Variants in SDK1 observed in about 807,000 individuals in gnomAD.
The protein encoded by SDK1 is protein sidekick-1.
A neutral mutation model predicts 245.5 loss-of-function variants in SDK1; 157 were observed. The ratio of observed to expected loss-of-function variants is 0.64; its 90% CI spans 0.56 to 0.73. SDK1 has a LOEUF of 0.73. SDK1 is among the 30% of genes least tolerant of loss of function. The pLI is 0.00. For missense variants in SDK1, 3,583 were observed against 3,002.3 expected (o/e 1.19, Z -4.52); for synonymous variants, 1,647 against 1,278.5 (o/e 1.29, Z -6.15).
At chr7:3,574,261 C>T (rs1188887665) in intron 1 of SDK1, among the ~76,000 whole-genome samples, 4 of 151,880 alleles carry the variant, frequency 2.6e-5, no homozygotes, top group Non-Finnish European at 4.4e-5. Context: ...GGATTGCAGG[C>T]GCCTGCCACC....
chr7:3,415,246 A>G (rs958707279), intron 1 of SDK1, among the ~76,000 whole-genome samples: 1 of 152,186 alleles, frequency 6.6e-6, no homozygotes, highest in Non-Finnish European at 1.5e-5. Flanking sequence ...AAAATATTTA[A>G]AATGAGGTTC....
intron 44 of SDK1, among the ~76,000 whole-genome samples, chr7:4,260,585 T>A (rs1190351897): frequency 1.4e-5 from 2 of 138,308 alleles, no homozygotes; most frequent in Non-Finnish European, 3.1e-5. Flanking sequence ...CTCCGGGGCC[T>A]CTGTGTGTGT....
chr7:3,837,546 G>C (rs577359850), intron 5 of SDK1, among the ~76,000 whole-genome samples: 1 of 152,172 alleles, frequency 6.6e-6, no homozygotes, highest in Non-Finnish European at 1.5e-5. Context: ...TTGCCTCTTC[G>C]TTCTTGAGGT....
At chr7:3,911,977 A>G (rs1779183042) in intron 5 of SDK1, among the ~76,000 whole-genome samples, 1 of 152,084 alleles carries the variant, frequency 6.6e-6, no homozygotes, top group South Asian at 2.1e-4. Context: ...GGGGGAGGGC[A>G]TTCTAGGGAA....
rs193247520 is a variant in SDK1, at chr7:3,514,240, A to G, written c.299-104840A>G. On this transcript the variant is annotated intron_variant, in intron 1 of 44. Transcript: ENST00000404826. The stretch of plus-strand genomic sequence containing the variant: ...TGTGTATAGGAGATTTACAATGGAC[A>G]TTTCTGCATTTTAGAAGTAGACTAT... Among the ~76,000 whole-genome samples, 178 of 152,244 alleles carry G rather than the reference A, an allele frequency of 1.2e-3. 2 individuals carry two copies. The highest frequency in any genetic ancestry group is 4.1e-3 in the African/African-American group (170 of 41,548).
chr7:3,867,395 A>T (rs965795794), intron 5 of SDK1, among the ~76,000 whole-genome samples: 2 of 152,208 alleles, frequency 1.3e-5, no homozygotes, highest in Non-Finnish European at 2.9e-5. Context: ...AACCTAATGT[A>T]TTAGTCCATT....
chr7:4,070,325 C>G (rs999071857), intron 20 of SDK1, among the ~76,000 whole-genome samples: 2 of 152,162 alleles, frequency 1.3e-5, no homozygotes, highest in East Asian at 3.9e-4. Flanking sequence ...TACTTGTTTC[C>G]TTATCACAAC....
At chr7:3,756,609 C>G (rs1295645574) in intron 4 of SDK1, among the ~76,000 whole-genome samples, 1 of 151,802 alleles carries the variant, frequency 6.6e-6, no homozygotes, top group African/African-American at 2.4e-5. Flanking sequence ...ACAATTTGCT[C>G]CTAATGCCCT....
At chr7:4,235,265 A>C (rs1408447698) in intron 41 of SDK1, among the ~76,000 whole-genome samples, 1 of 152,168 alleles carries the variant, frequency 6.6e-6, no homozygotes, top group Non-Finnish European at 1.5e-5. Flanking sequence ...CCCGGGTTCA[A>C]GGGATTCTCC....
intron 1 of SDK1, among the ~76,000 whole-genome samples, chr7:3,485,850 T>C (rs536572454): frequency 2.0e-5 from 3 of 152,038 alleles, no homozygotes; most frequent in Non-Finnish European, 4.4e-5. Context: ...CTAAAACATC[T>C]TAGGTTTTTA....
chr7:3,594,410 G>C (rs1780985517), intron 1 of SDK1, among the ~76,000 whole-genome samples: 1 of 152,166 alleles, frequency 6.6e-6, no homozygotes, highest in African/African-American at 2.4e-5. Context: ...GCTGCTATGA[G>C]CATTGATAAT....
intron 4 of SDK1, among the ~76,000 whole-genome samples, chr7:3,650,632 A>C (rs1424991813): frequency 6.6e-6 from 1 of 152,228 alleles, no homozygotes; most frequent in Non-Finnish European, 1.5e-5. Flanking sequence ...ACTTTGATAC[A>C]TCAACAAACA....
chr7:3,547,221 CTT>C (rs1779252038), intron 1 of SDK1, among the ~76,000 whole-genome samples: 1 of 152,038 alleles, frequency 6.6e-6, no homozygotes, highest in Non-Finnish European at 1.5e-5. Flanking sequence ...ACTTTAAGTG[CTT>C]TGATAGCCAC....
intron 38 of SDK1, among the ~76,000 whole-genome samples, chr7:4,218,666 T>C (rs904603219): frequency 3.3e-5 from 5 of 152,072 alleles, no homozygotes; most frequent in African/African-American, 9.7e-5. Context: ...GGCAGCCATT[T>C]CTTAGGGCTG....
chr7:4,009,837 A>C (rs187944578), intron 14 of SDK1, among the ~76,000 whole-genome samples: 1 of 152,216 alleles, frequency 6.6e-6, no homozygotes, highest in Non-Finnish European at 1.5e-5. Flanking sequence ...ATTTATGGCC[A>C]CTGCTTGGTG....
At chr7:3,365,978 G>A (rs1279077249) in intron 1 of SDK1, among the ~76,000 whole-genome samples, 1 of 151,508 alleles carries the variant, frequency 6.6e-6, no homozygotes, top group Non-Finnish European at 1.5e-5. Context: ...GGCAGAGGTT[G>A]CAATGAGCCG....
At chr7:3,358,437 T>A (rs1780866159) in intron 1 of SDK1, among the ~76,000 whole-genome samples, 1 of 152,198 alleles carries the variant, frequency 6.6e-6, no homozygotes, top group African/African-American at 2.4e-5. Flanking sequence ...ACGTTTTTTT[T>A]TTTTTTCTTG....
At chr7:3,947,667 CTATA>C (rs1181375187) in intron 5 of SDK1, among the ~76,000 whole-genome samples, 2 of 150,486 alleles carry the variant, frequency 1.3e-5, no homozygotes, top group Non-Finnish European at 3.0e-5. Context: ...ATATCTGTAT[CTATA>C]TATCTTTTTA....
At chr7:3,822,379 A>G (rs1013942909) in intron 5 of SDK1, among the ~76,000 whole-genome samples, 15 of 152,226 alleles carry the variant, frequency 9.9e-5, no homozygotes, top group Non-Finnish European at 1.6e-4. Flanking sequence ...TTATTATCAT[A>G]TCATATGAGT....
Sources: gnomAD v4.1 joint callset for allele counts (sites outside exome capture counted in the v4.1 genomes callset) on GRCh38, gnomAD v4.1.1 for gene constraint, MANE v1.5 for transcripts, NCBI Gene and HGNC (gene_info 2026-07-23, HGNC 2026-07-21) for gene names.